The following CSRNP3 variants were observed in gnomAD, a reference collection of about 807,000 sequenced individuals.
CSRNP3 encodes the protein cysteine/serine-rich nuclear protein 3.
In CSRNP3, 12 loss-of-function variants were observed where a neutral mutation model predicts 48.0. The observed-to-expected ratio is 0.25, with a 90% CI of 0.16 to 0.41. The LOEUF is 0.41. Ranked by LOEUF, CSRNP3 falls within the 10% of genes least tolerant of loss-of-function variation. The pLI, the probability that CSRNP3 is intolerant of heterozygous loss-of-function variation, is 1.00. For synonymous variants in CSRNP3, 263 were observed against 269.7 expected (o/e 0.98, Z 0.24); for missense variants, 580 against 724.4 (o/e 0.80, Z 2.29).
chr2:165,628,061 T>G (rs2105324202), intron 4 of CSRNP3, among the ~76,000 whole-genome samples: 1 of 152,298 alleles, frequency 6.6e-6, no homozygotes, highest in South Asian at 2.1e-4. Context: ...GAATGGTTAG[T>G]TTTTAGCCCC....
intron 4 of CSRNP3, among the ~76,000 whole-genome samples, chr2:165,617,690 TGTG>T (rs1425035608): frequency 6.6e-6 from 1 of 152,222 alleles, no homozygotes; most frequent in Non-Finnish European, 1.5e-5. Context: ...TATGCAGGTG[TGTG>T]GTGGTCCCAC....
chr2:165,546,708 A>G (rs1252237799), intron 3 of CSRNP3, among the ~76,000 whole-genome samples: 1 of 152,240 alleles, frequency 6.6e-6, no homozygotes, highest in Non-Finnish European at 1.5e-5. Flanking sequence ...ATTTTCCTCA[A>G]ATGATGTAAT....
intron 2 of CSRNP3, among the ~76,000 whole-genome samples, chr2:165,498,466 C>G (rs1233951759): frequency 6.6e-6 from 1 of 152,034 alleles, no homozygotes; most frequent in East Asian, 1.9e-4. Flanking sequence ...ACCCACTTAC[C>G]CTGCATTTCA....
intron 1 of CSRNP3, among the ~76,000 whole-genome samples, chr2:165,483,042 ATG>A (rs200230085): frequency 7.5e-6 from 1 of 132,738 alleles, no homozygotes; most frequent in African/African-American, 3.0e-5. Context: ...GTGTGTGTGT[ATG>A]TATATATATA....
intron 6 of CSRNP3, among the ~76,000 whole-genome samples, chr2:165,678,242 A>G (rs185174558): frequency 2.7e-4 from 41 of 152,330 alleles, no homozygotes; most frequent in African/African-American, 9.9e-4. Context: ...GGGGTACATC[A>G]TATATGTTAG....
intron 3 of CSRNP3, among the ~76,000 whole-genome samples, chr2:165,553,780 A>G (rs1475746417): frequency 5.3e-5 from 8 of 152,130 alleles, no homozygotes; most frequent in Non-Finnish European, 1.5e-5. Context: ...CTTGGTGGCT[A>G]CCCAAAGACA....
chr2:165,575,510 A>G (rs1189627324), intron 3 of CSRNP3, among the ~76,000 whole-genome samples: 1 of 152,184 alleles, frequency 6.6e-6, no homozygotes, highest in Non-Finnish European at 1.5e-5. Flanking sequence ...TTATGTTTTT[A>G]TATTTGCATA....
In CSRNP3 at chr2:165,684,389, T is replaced by C. The variant is rs1687595683; in HGVS notation, c.*4636T>C. On this transcript the variant is annotated 3_prime_UTR_variant, in exon 7 of 7. Transcript: ENST00000651982. ...ATATTTCTCTTTAAAATGGCATCTC[T>C]GTTCCTTATTCTCTTGATGACAGTT... is the stretch of plus-strand genomic sequence containing the variant. The C allele has an allele frequency of 6.6e-6, 1 of 152,118 alleles. No homozygotes were observed. Among genetic ancestry groups the C allele is most frequent in the Admixed American group, 6.6e-5 (1 of 15,238 alleles). The allele number at this position is 152,118 out of a possible 1,614,324, so 9.4% of individuals were successfully genotyped here.
chr2:165,490,521 A>G (rs2105456765), intron 1 of CSRNP3, among the ~76,000 whole-genome samples: 1 of 139,670 alleles, frequency 7.2e-6, no homozygotes, highest in African/African-American at 2.8e-5. Context: ...ACAAAGCTGG[A>G]GGCATCACAC....
intron 1 of CSRNP3, among the ~76,000 whole-genome samples, chr2:165,488,660 CT>C (rs1684156733): frequency 7.8e-6 from 1 of 128,008 alleles, no homozygotes; most frequent in Non-Finnish European, 1.6e-5. Context: ...AGCCGCTCAA[CT>C]ACATGGAAAC....
intron 6 of CSRNP3, among the ~76,000 whole-genome samples, chr2:165,678,012 G>A (rs1687456986): frequency 6.6e-6 from 1 of 152,094 alleles, no homozygotes; most frequent in African/African-American, 2.4e-5. Context: ...CTAAACACAT[G>A]AGTCCCCCAG....
chr2:165,666,934 A>G (rs111067449), intron 5 of CSRNP3, among the ~76,000 whole-genome samples: 22,497 of 36,690 alleles, frequency 0.61, 8,644 homozygotes, highest in Non-Finnish European at 0.7. Context: ...GAAAGAGAGA[A>G]GAAGAAAGAA....
At chr2:165,560,401 G>T (rs761080224) in intron 3 of CSRNP3, among the ~76,000 whole-genome samples, 6 of 152,134 alleles carry the variant, frequency 3.9e-5, no homozygotes, top group Non-Finnish European at 7.3e-5. Flanking sequence ...ACTACCTTTT[G>T]CTAGCAATCA....
Position 165,685,270 on chromosome 2 carries a change from T to A in CSRNP3, c.*5517T>A, listed in dbSNP as rs534292865. 3 of 152,242 alleles carry A rather than the reference T, an allele frequency of 2.0e-5. No individual in the cohort carries two copies. The South Asian group carries it at 6.2e-4, about 32-fold the overall frequency. The allele number at this position is 152,242 out of a possible 1,614,324, so 9.4% of individuals were successfully genotyped here. On this transcript the variant is annotated 3_prime_UTR_variant, in exon 7 of 7. Transcript: ENST00000651982. Reference sequence around the variant, plus strand: ...GACTCCTTTCTTGGCTTTTTCAAACTGGACCATGAGACCCCCTTCCTAAAC... The same window carrying A: ...GACTCCTTTCTTGGCTTTTTCAAACAGGACCATGAGACCCCCTTCCTAAAC...
intron 4 of CSRNP3, among the ~76,000 whole-genome samples, chr2:165,605,823 G>A (rs1406839300): frequency 2.0e-5 from 3 of 152,088 alleles, no homozygotes; most frequent in African/African-American, 7.2e-5. Flanking sequence ...AAAAGAATAA[G>A]GAAGAGGTGA....
chr2:165,565,041 C>T (rs1011240154), intron 3 of CSRNP3, among the ~76,000 whole-genome samples: 16 of 151,950 alleles, frequency 1.1e-4, no homozygotes, highest in South Asian at 2.1e-4. Flanking sequence ...AGCAGTATAA[C>T]GCTCAATTTT....
chr2:165,550,695 A>G (rs958692945), intron 3 of CSRNP3, among the ~76,000 whole-genome samples: 1 of 152,180 alleles, frequency 6.6e-6, no homozygotes, highest in Non-Finnish European at 1.5e-5. Context: ...CAATGTAGGT[A>G]TATTTTCACC....
intron 5 of CSRNP3, among the ~76,000 whole-genome samples, chr2:165,665,775 A>AAGAGAGAGAGAGAGAGAGGGAGAG (rs1687171207): frequency 7.6e-6 from 1 of 131,196 alleles, no homozygotes; most frequent in Non-Finnish European, 1.6e-5. Flanking sequence ...AAAAGAAAGA[A>AAGAGAGAGAGAGAGAGAGGGAGAG]AGAGAGAGAG....
intron 4 of CSRNP3, among the ~76,000 whole-genome samples, chr2:165,654,882 G>A (rs77238508): frequency 6.6e-6 from 1 of 152,276 alleles, no homozygotes; most frequent in East Asian, 1.9e-4. Context: ...CGCCTGTCTT[G>A]GCCTCCCAAA....
Sources: gnomAD v4.1 joint callset for allele counts (sites outside exome capture counted in the v4.1 genomes callset) on GRCh38, gnomAD v4.1.1 for gene constraint, MANE v1.5 for transcripts, NCBI Gene and HGNC (gene_info 2026-07-23, HGNC 2026-07-21) for gene names.